HTR4: variants seen among roughly 807,000 people sequenced by gnomAD.
The protein encoded by HTR4 is 5-hydroxytryptamine (serotonin) receptor 4, G protein-coupled.
Under a neutral mutation model 36.8 loss-of-function variants are expected in HTR4, and 16 were observed. That is an observed-to-expected ratio of 0.43 (90% CI 0.29 to 0.66). HTR4 has a LOEUF of 0.66. Ranked by LOEUF, HTR4 falls within the 30% of genes least tolerant of loss-of-function variation. HTR4 has a pLI of 0.13. For synonymous variants in HTR4, 189 were observed against 185.1 expected, an observed-to-expected ratio of 1.02 and a Z score of -0.17; for missense variants, 438 against 490.9, an observed-to-expected ratio of 0.89 and a Z score of 1.02.
chr5:148,541,980 T>C (rs1291074526), intron 4 of HTR4, among the ~76,000 whole-genome samples: 1 of 152,074 alleles, frequency 6.6e-6, no homozygotes, highest in Admixed American at 6.5e-5. Context: ...CTTCTCCTTA[T>C]AGTATTCAAT....
chr5:148,497,340 G>A (rs568836098), intron 6 of HTR4, among the ~76,000 whole-genome samples: 21 of 152,194 alleles, frequency 1.4e-4, no homozygotes, highest in South Asian at 4.1e-4. Context: ...ATCTCATATC[G>A]TCCATCCTTA....
intron 2 of HTR4, among the ~76,000 whole-genome samples, chr5:148,552,910 C>T (rs184437674): frequency 5.3e-5 from 8 of 152,202 alleles, no homozygotes; most frequent in African/African-American, 1.9e-4. Context: ...ATATTGTGCT[C>T]ATAATGGTTA....
intron 6 of HTR4, 112 bp downstream of exon 6, chr5:148,509,344 C>T (rs1284241262): frequency 2.6e-6 from 2 of 756,694 alleles, no homozygotes; most frequent in East Asian, 2.7e-5. Context: ...ATAATCTTTG[C>T]AAACTCTATG....
At chr5:148,484,538 TAGA>T (rs1195346157) in intron 6 of HTR4, among the ~76,000 whole-genome samples, 2 of 152,214 alleles carry the variant, frequency 1.3e-5, no homozygotes, top group African/African-American at 2.4e-5. Flanking sequence ...TCCCCAGTCC[TAGA>T]AGAAGTTCAT....
chr5:148,600,932 C>A (rs76939002), intron 2 of HTR4, among the ~76,000 whole-genome samples: 2 of 99,992 alleles, frequency 2.0e-5, no homozygotes, highest in Non-Finnish European at 3.8e-5. Flanking sequence ...ATTTGATAAA[C>A]GGTTAATATT....
intron 2 of HTR4, among the ~76,000 whole-genome samples, chr5:148,551,843 C>T (rs1036024500): frequency 1.1e-4 from 16 of 152,210 alleles, no homozygotes; most frequent in East Asian, 3.9e-4. Context: ...GCCTGTGCCC[C>T]GACAGGCCAT....
intron 2 of HTR4, among the ~76,000 whole-genome samples, chr5:148,600,976 C>CAAAAAAAAAAAAAAAAAAAAA (rs58003522): frequency 2.2e-4 from 3 of 13,548 alleles, no homozygotes; most frequent in Admixed American, 7.5e-4. Context: ...AACTCAATAG[C>CAAAAAAAAAAAAAAAAAAAAA]AAAAAAAAAA....
At chr5:148,610,628 C>T (rs1263344146) in intron 2 of HTR4, among the ~76,000 whole-genome samples, 4 of 152,144 alleles carry the variant, frequency 2.6e-5, no homozygotes, top group Non-Finnish European at 4.4e-5. Flanking sequence ...GCCTCTCCTC[C>T]TCCAAAGGAA....
intron 2 of HTR4, among the ~76,000 whole-genome samples, chr5:148,561,839 C>T (rs1364077591): frequency 6.6e-6 from 1 of 152,176 alleles, no homozygotes; most frequent in East Asian, 1.9e-4. Context: ...AGCATAAGCA[C>T]TCAAGGAAAA....
At chr5:148,563,744 A>G (rs1052895788) in intron 2 of HTR4, among the ~76,000 whole-genome samples, 2 of 152,226 alleles carry the variant, frequency 1.3e-5, no homozygotes, top group Non-Finnish European at 2.9e-5. Flanking sequence ...AGTATTTACC[A>G]TTGCATTAGG....
intron 5 of HTR4, among the ~76,000 whole-genome samples, chr5:148,455,748 A>G (rs1205773526): frequency 6.6e-6 from 1 of 152,244 alleles, no homozygotes; most frequent in Non-Finnish European, 1.5e-5. Flanking sequence ...GTTGACTGAA[A>G]GCCTTACTGA....
chr5:148,637,132 A>T, intron 1 of HTR4, 71 bp from the exon 2 acceptor site: 1 of 960,618 alleles, frequency 1.0e-6, no homozygotes, highest in South Asian at 1.5e-5. Flanking sequence ...TTGTTTTAAA[A>T]AACTCAAATA....
intron 2 of HTR4, among the ~76,000 whole-genome samples, chr5:148,568,957 A>G (rs553142389): frequency 6.6e-6 from 1 of 152,252 alleles, no homozygotes; most frequent in South Asian, 2.1e-4. Context: ...ACCCTTAAAA[A>G]ATACTATGCA....
At chr5:148,550,453 A>G (rs544472626) in intron 2 of HTR4, among the ~76,000 whole-genome samples, 191 bp from the exon 3 acceptor site, 3 of 152,338 alleles carry the variant, frequency 2.0e-5, no homozygotes, top group South Asian at 2.1e-4. Context: ...TAGCTCCTAC[A>G]TAAGAGGAGT....
chr5:148,566,548 C>T (rs1760448915), intron 2 of HTR4, among the ~76,000 whole-genome samples: 1 of 152,084 alleles, frequency 6.6e-6, no homozygotes, highest in Non-Finnish European at 1.5e-5. Context: ...GGAAGAGGTC[C>T]ACAAAATGTC....
chr5:148,601,775 T>C (rs1336616031), intron 2 of HTR4, among the ~76,000 whole-genome samples: 2 of 152,160 alleles, frequency 1.3e-5, no homozygotes, highest in African/African-American at 2.4e-5. Context: ...CACTCCGGCC[T>C]GGGAGACACA....
intron 5 of HTR4, among the ~76,000 whole-genome samples, chr5:148,520,184 C>T (rs528295100): frequency 1.2e-4 from 18 of 152,234 alleles, no homozygotes; most frequent in African/African-American, 4.3e-4. Context: ...AACAACATGA[C>T]CATGTGGATT....
At chr5:148,586,136 G>A (rs554173188) in intron 2 of HTR4, among the ~76,000 whole-genome samples, 2 of 152,152 alleles carry the variant, frequency 1.3e-5, no homozygotes, top group African/African-American at 4.8e-5. Context: ...TTGTTGGGCT[G>A]CATGAGGGCA....
At chr5:148,550,032 T>G in intron 3 of HTR4, 105 bp downstream of exon 3, 1 of 1,201,144 alleles carries the variant, frequency 8.3e-7, no homozygotes, top group Non-Finnish European at 1.1e-6. Flanking sequence ...CCCATGAATG[T>G]TTTCTTTCTT....
Sources: allele counts gnomAD v4.1 joint callset (sites outside exome capture counted in the v4.1 genomes callset), GRCh38; gene constraint gnomAD v4.1.1; transcripts MANE v1.5; gene names NCBI Gene and HGNC (gene_info 2026-07-23, HGNC 2026-07-21).